PREX1: variants seen among roughly 807,000 people sequenced by gnomAD.
PREX1 encodes the protein phosphatidylinositol-3,4,5-trisphosphate dependent Rac exchange factor 1.
PREX1 carries 41 observed loss-of-function variants against 198.3 expected under a neutral mutation model. That is an observed-to-expected ratio of 0.21 (90% confidence interval 0.16 to 0.27). PREX1 has a LOEUF of 0.27. Among genes scored for constraint, PREX1 ranks in the 10% least tolerant of loss-of-function variants. PREX1 has a pLI of 1.00. For synonymous variants in PREX1, 843 were observed against 887.2 expected (o/e 0.95, Z 0.89); for missense variants, 1,620 against 2,200.7 (o/e 0.74, Z 5.28).
intron 5 of PREX1, among the ~76,000 whole-genome samples, chr20:48,721,920 G>A (rs551068464): frequency 6.6e-6 from 1 of 152,106 alleles, no homozygotes; most frequent in East Asian, 1.9e-4. Context: ...GGTTTGGCCT[G>A]AGCAACCAGA....
chr20:48,835,856 C>A, the PREX1 span, among the ~76,000 whole-genome samples: 1 of 152,134 alleles, frequency 6.6e-6, no homozygotes. Flanking sequence ...AGGTCAGAAG[C>A]AGTAAGACCT....
intron 1 of PREX1, among the ~76,000 whole-genome samples, chr20:48,797,039 C>T (rs577860858): frequency 1.3e-5 from 2 of 151,744 alleles, no homozygotes; most frequent in South Asian, 2.1e-4. Context: ...CTCACCAAGC[C>T]GTTTACTTGG....
At chr20:48,658,095 C>A (rs754800522) in intron 17 of PREX1, 41 bp downstream of exon 17, 1 of 1,583,496 alleles carries the variant, frequency 6.3e-7, no homozygotes, top group Non-Finnish European at 8.6e-7. Context: ...CCCGCTCTGC[C>A]ACCTGCACAC....
chr20:48,833,571 A>T, the PREX1 span, among the ~76,000 whole-genome samples: 2 of 151,260 alleles, frequency 1.3e-5, no homozygotes, highest in East Asian at 3.9e-4. Context: ...CCTCCCAAGT[A>T]TCTGGGATTA....
chr20:48,666,172 C>T lies in PREX1; in HGVS notation c.1738+111G>A. The T allele has an allele frequency of 7.9e-6, 9 of 1,136,376 alleles. No individual in the cohort carries two copies. The highest frequency in any genetic ancestry group is 1.0e-5 in the Non-Finnish European group (8 of 793,642). 70.4% of individuals were successfully genotyped at this position (1,136,376 alleles called of 1,614,324 possible). The stretch of plus-strand genomic sequence containing the variant: ...TGGGATTCGTGAGCCTCCCCAAACC[C>T]CCGGGGGTCTAGAGAGCCACAGACC... On this transcript the variant is annotated intron_variant, in intron 15 of 39. Coordinates refer to ENST00000371941, the MANE Select transcript of PREX1 (RefSeq NM_020820.4). The surrounding 1 kb of genome is among the most constrained non-coding windows in gnomAD (Gnocchi z 4.3).
chr20:48,656,861 A>T (rs779549154), intron 18 of PREX1, among the ~76,000 whole-genome samples, 179 bp downstream of exon 18: 1 of 152,206 alleles, frequency 6.6e-6, no homozygotes. Flanking sequence ...AACTGCCACC[A>T]AGCACAGAGT....
the PREX1 span, among the ~76,000 whole-genome samples, chr20:48,881,016 T>C: frequency 7.5e-6 from 1 of 132,832 alleles, no homozygotes; most frequent in Admixed American, 7.1e-5. Context: ...AAAAGCTTCT[T>C]TTCTCAATAC....
At chr20:48,760,268 C>G (rs1021114306) in intron 1 of PREX1, among the ~76,000 whole-genome samples, 6 of 152,074 alleles carry the variant, frequency 3.9e-5, no homozygotes, top group African/African-American at 1.2e-4. Flanking sequence ...TCTACATGCA[C>G]CAAGCACACT....
chr20:48,882,240 C>G, the PREX1 span, among the ~76,000 whole-genome samples: 470 of 152,044 alleles, frequency 3.1e-3, 4 homozygotes, highest in African/African-American at 0.011. Context: ...CGGTGGCTCA[C>G]GCCTGTAATC....
chr20:48,640,033 T>C, intron 29 of PREX1, 139 bp from the exon 30 acceptor site: 1 of 1,186,574 alleles, frequency 8.4e-7, no homozygotes, highest in East Asian at 2.4e-5. Flanking sequence ...CTCCTGGGCA[T>C]TATCGGGTCC....
intron 7 of PREX1, among the ~76,000 whole-genome samples, chr20:48,696,251 T>C (rs1349220726): frequency 1.3e-5 from 2 of 152,226 alleles, no homozygotes; most frequent in Non-Finnish European, 2.9e-5. Flanking sequence ...AAATCTATAA[T>C]CCAGCTGAAG....
chr20:48,722,507 CAG>C (rs545437706), intron 5 of PREX1, among the ~76,000 whole-genome samples: 131 of 152,236 alleles, frequency 8.6e-4, no homozygotes, highest in African/African-American at 3.0e-3. Flanking sequence ...TTGGGGGTGA[CAG>C]AAATGTTCTA....
At chr20:48,876,197 C>T in the PREX1 span, among the ~76,000 whole-genome samples, 2 of 152,130 alleles carry the variant, frequency 1.3e-5, no homozygotes, top group Non-Finnish European at 2.9e-5. Flanking sequence ...GTCCAGGGGT[C>T]AGGAAGTTCT....
At chr20:48,778,386 C>T (rs1300238816) in intron 1 of PREX1, among the ~76,000 whole-genome samples, 5 of 123,552 alleles carry the variant, frequency 4.0e-5, no homozygotes, top group Non-Finnish European at 8.5e-5. Context: ...TCAGCCTGGC[C>T]AAAAGGATGA....
At chr20:48,746,618 C>G (rs1344804289) in intron 2 of PREX1, among the ~76,000 whole-genome samples, 1 of 152,002 alleles carries the variant, frequency 6.6e-6, no homozygotes, top group African/African-American at 2.4e-5. Flanking sequence ...CTGAGGGGGG[C>G]CCAGAGTGGG....
At chr20:48,628,699 C>T (rs2122802407) in intron 37 of PREX1, among the ~76,000 whole-genome samples, 1 of 152,312 alleles carries the variant, frequency 6.6e-6, no homozygotes, top group East Asian at 1.9e-4. Flanking sequence ...CTAAAATAGG[C>T]CCCACTACTG....
intron 27 of PREX1, among the ~76,000 whole-genome samples, chr20:48,643,362 A>T (rs1237345978): frequency 6.6e-6 from 1 of 152,040 alleles, no homozygotes; most frequent in African/African-American, 2.4e-5. Context: ...CCAGCTACTC[A>T]GGAGCCTGAG....
chr20:48,676,174 C>T lies in PREX1; in HGVS notation c.1665+19G>A. On this transcript the variant is annotated intron_variant, in intron 14 of 39. Transcript: ENST00000371941. ...GACAAAGCAGAACACTGGTCACACACCCCTGAGGAGGCCCTCACCTGAGCC... is the reference window on the plus strand; with the variant it reads ...GACAAAGCAGAACACTGGTCACACATCCCTGAGGAGGCCCTCACCTGAGCC... 6.2e-7 allele frequency: 1 copy of T among 1,609,748 alleles called. No individual in the cohort carries two copies. The highest frequency in any genetic ancestry group is 8.5e-7 in the Non-Finnish European group (1 of 1,176,068).
the PREX1 span, among the ~76,000 whole-genome samples, chr20:48,875,311 G>A: frequency 2.0e-5 from 3 of 152,188 alleles, no homozygotes; most frequent in Non-Finnish European, 4.4e-5. Context: ...CGAAAGCATT[G>A]AAGCTGGAGA....
Sources: allele counts gnomAD v4.1 joint callset (sites outside exome capture counted in the v4.1 genomes callset), GRCh38; gene constraint gnomAD v4.1.1; non-coding constraint Gnocchi (gnomAD v3.1); transcripts MANE v1.5; gene names NCBI Gene and HGNC (gene_info 2026-07-23, HGNC 2026-07-21).